The following SNED1 variants were observed in gnomAD, a reference collection of about 807,000 sequenced individuals.
The protein encoded by SNED1 is sushi, nidogen and EGF like domains 1, also known as sushi, nidogen and EGF-like domain-containing protein 1.
In SNED1, 81 loss-of-function variants were observed where a neutral mutation model predicts 166.7. The ratio of observed to expected loss-of-function variants is 0.49; its 90% CI spans 0.41 to 0.58. SNED1 has a LOEUF of 0.58. Among genes scored for constraint, SNED1 ranks in the 20% least tolerant of loss-of-function variants. The pLI, the probability that SNED1 is intolerant of heterozygous loss-of-function variation, is 0.00. For missense variants in SNED1, 1,604 were observed against 2,000.2 expected, an observed-to-expected ratio of 0.80 and a Z score of 3.78; for synonymous variants, 762 against 822.0, an observed-to-expected ratio of 0.93 and a Z score of 1.25.
intron 29 of SNED1, 81 bp from the exon 30 acceptor site, chr2:241,087,311 T>C (rs765911335): frequency 1.7e-5 from 22 of 1,331,618 alleles, no homozygotes; most frequent in Non-Finnish European, 2.0e-5. Context: ...AGGTTTACTG[T>C]GGGTTCACAT....
At chr2:241,029,109 G>A (rs1002620879) in intron 1 of SNED1, among the ~76,000 whole-genome samples, 2 of 152,142 alleles carry the variant, frequency 1.3e-5, no homozygotes, top group African/African-American at 4.8e-5. Flanking sequence ...GCATGGTTCT[G>A]GTCACATTCT....
intron 1 of SNED1, among the ~76,000 whole-genome samples, chr2:241,004,141 A>G (rs1574834601): frequency 6.6e-6 from 1 of 152,362 alleles, no homozygotes; most frequent in Middle Eastern, 3.4e-3. Context: ...CAGGGGAGCC[A>G]TGAAGAAAGG....
intron 1 of SNED1, among the ~76,000 whole-genome samples, chr2:241,011,682 C>G (rs1172336592): frequency 6.6e-6 from 1 of 152,226 alleles, no homozygotes; most frequent in Non-Finnish European, 1.5e-5. Flanking sequence ...GTTTTCCCAG[C>G]CCTGAAGAAG....
At chr2:241,058,678 C>T (rs555216409) in intron 16 of SNED1, among the ~76,000 whole-genome samples, 60 of 152,260 alleles carry the variant, frequency 3.9e-4, no homozygotes, top group African/African-American at 1.3e-3. Context: ...GGGCCGGGCG[C>T]GGTGGCTCAT....
Position 241,070,154 on chromosome 2 carries a change from A to G in SNED1, c.3542A>G (p.Glu1181Gly). 8 of 1,607,714 alleles carry G rather than the reference A, an allele frequency of 5.0e-6. No homozygotes were observed. The highest frequency in any genetic ancestry group is 5.9e-6 in the Non-Finnish European group (7 of 1,178,866). ...TCTGTGATAGCAGTGCAGAGCACGGAGCTCGGGCCGCAGCACAGCGAGCCC... is the reference window on the plus strand; with the variant it reads ...TCTGTGATAGCAGTGCAGAGCACGGGGCTCGGGCCGCAGCACAGCGAGCCC... The part of the protein sequence containing the change: ...QLSVIAVQST[E>G]LGPQHSEPAH... Residue 1181 changes from glutamate to glycine, a missense_variant, in exon 24 of 32, where the codon GAG becomes GGG. This residue lies in a region of SNED1 where 367 missense variants were observed against 379.4 expected (regional missense o/e 0.97). Coordinates refer to ENST00000310397, the MANE Select transcript of SNED1 (RefSeq NM_001080437.3).
intron 6 of SNED1, among the ~76,000 whole-genome samples, chr2:241,038,683 G>A (rs985597944): frequency 3.3e-5 from 5 of 152,278 alleles, no homozygotes; most frequent in Non-Finnish European, 7.3e-5. Context: ...AACGTGAGAC[G>A]GGTGGGAGTC....
intron 6 of SNED1, among the ~76,000 whole-genome samples, chr2:241,038,995 G>C (rs1316882373): frequency 6.6e-6 from 1 of 152,242 alleles, no homozygotes; most frequent in Non-Finnish European, 1.5e-5. Flanking sequence ...CAGGAGGCTG[G>C]TTCAGGTCTT....
At chr2:241,030,155 TG>T in intron 1 of SNED1, 128 bp from the exon 2 acceptor site, 1 of 879,894 alleles carries the variant, frequency 1.1e-6, no homozygotes, top group Non-Finnish European at 1.7e-6. Flanking sequence ...CAGGCCACCC[TG>T]GGGATACCCT....
At chr2:241,026,310 C>T (rs1360155693) in intron 1 of SNED1, among the ~76,000 whole-genome samples, 1 of 152,146 alleles carries the variant, frequency 6.6e-6, no homozygotes, top group Non-Finnish European at 1.5e-5. Flanking sequence ...GCCACTGCGC[C>T]CAGCCTGTTT....
At chr2:241,038,459 C>T (rs558722902) in intron 6 of SNED1, among the ~76,000 whole-genome samples, 1 of 152,338 alleles carries the variant, frequency 6.6e-6, no homozygotes, top group Admixed American at 6.5e-5. Context: ...AATGTGACTT[C>T]AAGGTCCAAA....
chr2:241,057,409 A>G (rs1575011606), intron 16 of SNED1, among the ~76,000 whole-genome samples: 2 of 123,864 alleles, frequency 1.6e-5, no homozygotes, highest in South Asian at 2.7e-4. Context: ...ATATATATAT[A>G]TATGCCATAC....
chr2:241,053,253 C>T lies in SNED1; in HGVS notation c.2184C>T (p.Tyr728=). 1.2e-6 allele frequency: 2 copies of T among 1,606,558 alleles called. No homozygotes were observed. The highest frequency in any genetic ancestry group is 1.7e-6 in the Non-Finnish European group (2 of 1,177,454). ...AVALYACDRG[Y]SLSAPSRIRV... The stretch of plus-strand genomic sequence containing the variant: ...CCCTGTATGCATGTGACCGTGGCTA[C>T]AGCCTGAGCGCCCCCAGCCGCATCC... Residue 728 remains tyrosine, a synonymous_variant, in exon 16 of 32, where the codon TAC becomes TAT. Transcript: ENST00000310397.
Position 241,065,422 on chromosome 2 carries a change from TCTC to T in SNED1, c.2842_2844del (p.Ser948del), listed in dbSNP as rs775363205. On this transcript the variant is annotated inframe_deletion, in exon 21 of 32. Coordinates refer to ENST00000310397, the MANE Select transcript of SNED1 (RefSeq NM_001080437.3). ...CTTGATGGCTACGCGGTCACCTACG[TCTC>T]CTCCGACGGCTCCTACCGCCGCACA... 2 of 1,612,970 alleles carry T rather than the reference TCTC, an allele frequency of 1.2e-6. No homozygotes were observed. Among genetic ancestry groups the T allele is most frequent in the Non-Finnish European group, 1.7e-6 (2 of 1,179,814 alleles).
At chr2:241,036,229 G>C (rs1432165102) in intron 4 of SNED1, among the ~76,000 whole-genome samples, 1 of 151,892 alleles carries the variant, frequency 6.6e-6, no homozygotes. Context: ...AAGGAGGCCC[G>C]AGGAGCCCGA....
chr2:241,065,602 G>A lies in SNED1; in HGVS notation c.3010+7G>A, dbSNP rs559032686. On this transcript the variant is annotated splice_region_variant and intron_variant, in intron 21 of 31. Coordinates refer to ENST00000310397, the MANE Select transcript of SNED1 (RefSeq NM_001080437.3). Reference sequence around the variant, plus strand: ...GTGCTGCTGGCCCGCACGCGTGAGTGTCCCCGAGCCTGGCCGTCCCTGCCC... The same window carrying A: ...GTGCTGCTGGCCCGCACGCGTGAGTATCCCCGAGCCTGGCCGTCCCTGCCC... 502 of 1,609,696 alleles carry A rather than the reference G, an allele frequency of 3.1e-4. 10 individuals carry two copies. The South Asian group carries it at 4.3e-3, about 14-fold the overall frequency.
rs376137908 is a variant in SNED1 at position 241,067,787 on chromosome 2, G to C, written c.3034G>C (p.Glu1012Gln). 16 of 1,610,680 alleles carry C rather than the reference G, an allele frequency of 9.9e-6. No homozygotes were observed. The highest frequency in any genetic ancestry group is 1.2e-5 in the Non-Finnish European group (14 of 1,177,544). Residue 1012 changes from glutamate to glutamine, a missense_variant, in exon 22 of 32, where the codon GAG becomes CAG. By Grantham distance (29) the Glu-to-Gln change is conservative. This residue lies in a region of SNED1 where 1,237 missense variants were observed against 1,620.8 expected (regional missense o/e 0.76). Transcript: ENST00000310397. ...RTRPRPVEGF[E>Q]VTNVTASTIS... is the part of the protein sequence containing the mutation. ...AGGACCCCGCCCTGTGGAAGGCTTC[G>C]AGGTCACCAATGTGACGGCTAGCAC...
chr2:241,070,330 C>A, intron 24 of SNED1, 129 bp downstream of exon 24: 1 of 993,274 alleles, frequency 1.0e-6, no homozygotes, highest in Non-Finnish European at 1.4e-6. Flanking sequence ...ACCGTGTTAG[C>A]AGGGGAGGAG....
chr2:241,063,665 G>A lies in SNED1; in HGVS notation c.2450G>A (p.Cys817Tyr). ...CTCCCAGGGGCCTATGTCTGCCGGT[G>A]CCCTGCAGGCTTCGTTGGAGTCCAC... ...RNLPGAYVCR[C>Y]PAGFVGVHCE... The change falls in exon 18 of 32, where the codon TGC (cysteine) becomes TAC (tyrosine). Residue 817 changes from cysteine (C) to tyrosine (Y), a missense_variant. This residue lies in a region of SNED1 where 1,237 missense variants were observed against 1,620.8 expected (regional missense o/e 0.76). Transcript: ENST00000310397. 6.2e-7 allele frequency: 1 copy of A among 1,611,998 alleles called. No individual in the cohort carries two copies. The highest frequency in any genetic ancestry group is 8.5e-7 in the Non-Finnish European group (1 of 1,179,088).
chr2:241,040,534 G>A (rs1014037331), intron 8 of SNED1, 121 bp downstream of exon 8: 2 of 664,128 alleles, frequency 3.0e-6, no homozygotes, highest in African/African-American at 3.6e-5. Context: ...TGTCTCTGGG[G>A]TGGGAGGATG....
Sources: allele counts gnomAD v4.1 joint callset (sites outside exome capture counted in the v4.1 genomes callset), GRCh38; gene constraint gnomAD v4.1.1; regional missense constraint gnomAD v4.1.1; transcripts MANE v1.5; gene names NCBI Gene and HGNC (gene_info 2026-07-23, HGNC 2026-07-21).